The following ZC3H12B variants were observed in gnomAD, a reference collection of about 807,000 sequenced individuals.
ZC3H12B encodes the protein probable ribonuclease ZC3H12B.
A neutral mutation model predicts 43.9 loss-of-function variants in ZC3H12B; 7 were observed. The ratio of observed to expected loss-of-function variants is 0.16; its 90% CI spans 0.09 to 0.30. The LOEUF is 0.30. Ranked by LOEUF, ZC3H12B falls within the 10% of genes least tolerant of loss-of-function variation. The pLI, the probability that ZC3H12B is intolerant of heterozygous loss-of-function variation, is 1.00. For missense variants in ZC3H12B, 475 were observed against 670.2 expected, an observed-to-expected ratio of 0.71 and a Z score of 3.22; for synonymous variants, 222 against 241.7, an observed-to-expected ratio of 0.92 and a Z score of 0.76.
intron 2 of ZC3H12B, among the ~76,000 whole-genome samples, chrX:65,393,987 C>G (rs926527034): frequency 8.9e-6 from 1 of 112,229 alleles, no homozygotes; most frequent in African/African-American, 3.2e-5. Flanking sequence ...TGTTGGCTAC[C>G]TAAATGTCTT....
the ZC3H12B span, among the ~76,000 whole-genome samples, chrX:65,334,138 G>A: frequency 1.8e-5 from 2 of 112,006 alleles, no homozygotes; most frequent in Admixed American, 1.9e-4. Context: ...CAGTATGACT[G>A]TAGTTAAGAT....
At chrX:65,404,356 C>CTTTA (rs113452757) in intron 3 of ZC3H12B, among the ~76,000 whole-genome samples, 26,264 of 110,916 alleles carry the variant, frequency 0.24, 7,499 homozygotes, top group African/African-American at 0.82. Flanking sequence ...AGGAGTAAGT[C>CTTTA]TTTATCAATA....
upstream of ZC3H12B, among the ~76,000 whole-genome samples, chrX:65,488,171 C>T (rs902328007): frequency 8.1e-5 from 9 of 110,552 alleles, no homozygotes; most frequent in Non-Finnish European, 1.7e-4. Flanking sequence ...GTGCCCGGCC[C>T]GCATGTGCTT....
the ZC3H12B span, among the ~76,000 whole-genome samples, chrX:65,210,818 A>G: frequency 3.0e-5 from 1 of 33,590 alleles, no homozygotes; most frequent in Non-Finnish European, 4.9e-5. Flanking sequence ...CTATCGCAAG[A>G]ACAAAAAACC....
chrX:65,448,979 G>GAAAGAAAGAAAGAAAGAA lies in ZC3H12B; in HGVS notation n.408-39666_408-39665insAAGAAAGAAAGAAAGAAA, dbSNP rs1158285090. 9.2e-4 allele frequency among the ~76,000 whole-genome samples: 20 copies of GAAAGAAAGAAAGAAAGAA among 21,672 alleles called. No individual in the cohort carries two copies. In the Non-Finnish European group the frequency reaches 0.016, roughly 17 times the overall value. 18.8% of individuals were successfully genotyped at this position (21,672 alleles called of 115,157 possible). On this transcript the variant is annotated intron_variant and non_coding_transcript_variant, in intron 3 of 5. Coordinates refer to the ZC3H12B transcript ENST00000617377. ...AAAAAGAAAGAAAGAAAGAAAGAAA[G>GAAAGAAAGAAAGAAAGAA]AGAAAGAAAGAAAGAGAGGAAAGAA...
chrX:65,205,305 C>A, the ZC3H12B span, among the ~76,000 whole-genome samples: 4 of 111,476 alleles, frequency 3.6e-5, no homozygotes, highest in Non-Finnish European at 3.8e-5. Flanking sequence ...CTAAATCTAG[C>A]ACTTACCAGC....
chrX:65,421,024 C>A (rs1306303093), intron 3 of ZC3H12B, among the ~76,000 whole-genome samples: 1 of 112,137 alleles, frequency 8.9e-6, no homozygotes, highest in African/African-American at 3.2e-5. Flanking sequence ...GGTATATCAA[C>A]TTGCCAGCCC....
At chrX:65,143,472 G>T in the ZC3H12B span, among the ~76,000 whole-genome samples, 1 of 109,720 alleles carries the variant, frequency 9.1e-6, no homozygotes, top group Admixed American at 9.7e-5. Context: ...TTTTAATATT[G>T]TTTATGTGGT....
the ZC3H12B span, among the ~76,000 whole-genome samples, chrX:65,281,322 C>T: frequency 1.8e-5 from 2 of 108,424 alleles, no homozygotes; most frequent in Non-Finnish European, 3.8e-5. Flanking sequence ...GCAACCTCCG[C>T]CTCCCAGGTT....
intron 3 of ZC3H12B, among the ~76,000 whole-genome samples, chrX:65,481,958 T>C (rs931525119): frequency 9.0e-6 from 1 of 111,607 alleles, no homozygotes; most frequent in Non-Finnish European, 1.9e-5. Context: ...CAGCTGATGA[T>C]GTCATGGCTG....
chrX:65,144,844 A>C, the ZC3H12B span, among the ~76,000 whole-genome samples: 1 of 111,351 alleles, frequency 9.0e-6, no homozygotes, highest in African/African-American at 3.3e-5. Flanking sequence ...GCTTGATATA[A>C]TTTTGATTTT....
At chrX:65,052,048 T>G in the ZC3H12B span, among the ~76,000 whole-genome samples, 1 of 111,276 alleles carries the variant, frequency 9.0e-6, no homozygotes, top group African/African-American at 3.3e-5. Context: ...TGACCCCCAG[T>G]TACATGACTC....
the ZC3H12B span, among the ~76,000 whole-genome samples, chrX:65,318,351 TCTTC>T: frequency 3.6e-5 from 4 of 109,632 alleles, no homozygotes; most frequent in Non-Finnish European, 7.6e-5. Flanking sequence ...CTTTCTTCCT[TCTTC>T]CTTCTTTCTT....
At chrX:65,061,128 G>GT in the ZC3H12B span, among the ~76,000 whole-genome samples, 26 of 110,880 alleles carry the variant, frequency 2.3e-4, no homozygotes, top group African/African-American at 3.9e-4. Context: ...TTTCTTTTAT[G>GT]TTTTTTTATT....
At chrX:65,288,969 G>T in the ZC3H12B span, among the ~76,000 whole-genome samples, 1 of 110,720 alleles carries the variant, frequency 9.0e-6, no homozygotes, top group Non-Finnish European at 1.9e-5. Context: ...AGAAGGAAAT[G>T]AAGAAGACAA....
At chrX:65,444,823 G>T (rs2148132352) in intron 3 of ZC3H12B, among the ~76,000 whole-genome samples, 1 of 111,878 alleles carries the variant, frequency 8.9e-6, no homozygotes, top group South Asian at 3.8e-4. Flanking sequence ...TCCTCTTTAA[G>T]GCCAATAACT....
At chrX:65,058,003 T>C in the ZC3H12B span, among the ~76,000 whole-genome samples, 4 of 111,912 alleles carry the variant, frequency 3.6e-5, no homozygotes, top group African/African-American at 1.3e-4. Context: ...TTTCAAGGTT[T>C]TTAGCTTCTT....
the ZC3H12B span, among the ~76,000 whole-genome samples, chrX:65,089,746 G>A: frequency 9.0e-6 from 1 of 111,548 alleles, no homozygotes; most frequent in Admixed American, 9.5e-5. Context: ...TATTCTTATT[G>A]TATAAGCTTT....
At chrX:65,225,540 G>T in the ZC3H12B span, among the ~76,000 whole-genome samples, 1 of 112,594 alleles carries the variant, frequency 8.9e-6, no homozygotes, top group East Asian at 2.8e-4. Context: ...ACTTTGACGA[G>T]TTGAGAGAAG....
Sources: gnomAD v4.1 joint callset for allele counts (sites outside exome capture counted in the v4.1 genomes callset) on GRCh38, gnomAD v4.1.1 for gene constraint, MANE v1.5 for transcripts, NCBI Gene and HGNC (gene_info 2026-07-23, HGNC 2026-07-21) for gene names.